Variants in KIAA0040 observed in about 807,000 individuals in gnomAD.
The protein encoded by KIAA0040 is KIAA0040, also known as uncharacterized protein KIAA0040.
Under a neutral mutation model 7.2 loss-of-function variants are expected in KIAA0040, and 10 were observed. The ratio of observed to expected loss-of-function variants is 1.38; its 90% CI spans 0.85 to 2.34. KIAA0040 has a LOEUF of 2.34. Among genes scored for constraint, KIAA0040 ranks in the 30% most tolerant of loss-of-function variants. The pLI is 0.00. For missense variants in KIAA0040, 89 were observed against 108.2 expected, an observed-to-expected ratio of 0.82 and a Z score of 0.79; for synonymous variants, 49 against 40.1, an observed-to-expected ratio of 1.22 and a Z score of -0.84.
intron 1 of KIAA0040, among the ~76,000 whole-genome samples, chr1:175,184,076 T>C (rs1677554624): frequency 6.6e-6 from 1 of 152,176 alleles, no homozygotes; most frequent in South Asian, 2.1e-4. Context: ...TGCAGATGAC[T>C]GACCGAAAGT....
At chr1:175,163,635 C>T (rs1331535229) in intron 3 of KIAA0040, among the ~76,000 whole-genome samples, 1 of 152,362 alleles carries the variant, frequency 6.6e-6, no homozygotes, top group South Asian at 2.1e-4. Flanking sequence ...ATGACCTTTG[C>T]TTTTACCTCA....
intron 1 of KIAA0040, among the ~76,000 whole-genome samples, chr1:175,184,214 T>A (rs191449479): frequency 2.4e-4 from 37 of 152,314 alleles, no homozygotes; most frequent in Non-Finnish European, 1.5e-5. Flanking sequence ...AGATACTGTA[T>A]AGCCATACGC....
chr1:175,179,038 G>C (rs1199452088), intron 1 of KIAA0040, among the ~76,000 whole-genome samples: 3 of 152,036 alleles, frequency 2.0e-5, no homozygotes, highest in African/African-American at 7.2e-5. Flanking sequence ...ATTACATGGA[G>C]GGCTGGACAT....
chr1:175,162,689 G>A (rs1676594463), intron 3 of KIAA0040, among the ~76,000 whole-genome samples: 1 of 152,166 alleles, frequency 6.6e-6, no homozygotes, highest in African/African-American at 2.4e-5. Context: ...ATTGTCCTCA[G>A]AAGTCTAATT....
chr1:175,188,634 A>G (rs1022890230), intron 1 of KIAA0040, among the ~76,000 whole-genome samples: 14 of 152,242 alleles, frequency 9.2e-5, no homozygotes, highest in Non-Finnish European at 1.8e-4. Context: ...AAGTTTGAGG[A>G]AACACTAAAA....
chr1:175,179,532 A>T (rs1301814000), intron 1 of KIAA0040, among the ~76,000 whole-genome samples: 1 of 152,154 alleles, frequency 6.6e-6, no homozygotes, highest in Non-Finnish European at 1.5e-5. Flanking sequence ...AATATCACCA[A>T]ACCAATCAGA....
At chr1:175,172,708 T>A (rs776452152) in intron 2 of KIAA0040, among the ~76,000 whole-genome samples, 3 of 152,248 alleles carry the variant, frequency 2.0e-5, no homozygotes, top group Admixed American at 1.3e-4. Context: ...GGGCTAGGTG[T>A]TTTATTCACT....
chr1:175,192,823 CCCG>C (rs1425277996), upstream of KIAA0040: 22 of 145,940 alleles, frequency 1.5e-4, 1 homozygote, highest in Admixed American at 1.2e-3. Context: ...AGCCGCCCGC[CCCG>C]CCCCGCCCCG....
chr1:175,163,770 C>T (rs1438241606), intron 3 of KIAA0040, among the ~76,000 whole-genome samples: 9 of 152,238 alleles, frequency 5.9e-5, no homozygotes, highest in Admixed American at 2.6e-4. Flanking sequence ...ATAACACCAC[C>T]ACCACAAATG....
At chr1:175,177,860 A>AG (rs1172982016) in intron 1 of KIAA0040, among the ~76,000 whole-genome samples, 176 bp from the exon 2 acceptor site, 2 of 152,244 alleles carry the variant, frequency 1.3e-5, no homozygotes, top group African/African-American at 4.8e-5. Flanking sequence ...ACCTGCTCAC[A>AG]GGGTCCTTAG....
In KIAA0040 at chr1:175,157,533, CTTTTCA is replaced by C. The variant is rs1399535807; in HGVS notation, c.*3175_*3180del. 2.6e-5 allele frequency: 4 copies of C among 152,080 alleles called. No homozygotes were observed. The highest frequency in any genetic ancestry group is 9.7e-5 in the African/African-American group (4 of 41,394). 9.4% of individuals were successfully genotyped at this position (152,080 alleles called of 1,614,324 possible). A position where few individuals can be genotyped will look rare whatever the true frequency, so the allele number is the denominator to read the frequency against. On this transcript the variant is annotated 3_prime_UTR_variant, in exon 4 of 4. Transcript: ENST00000423313. Reference sequence around the variant, plus strand: ...GAGTAACCATCTGACTACATCAAGACTTTTCATTTTCAAAGTATTTTATTTAAATAA... The same window carrying C: ...GAGTAACCATCTGACTACATCAAGACTTTTCAAAGTATTTTATTTAAATAA...
intron 3 of KIAA0040, among the ~76,000 whole-genome samples, chr1:175,162,067 T>A (rs1352825807): frequency 6.6e-6 from 1 of 152,122 alleles, no homozygotes; most frequent in South Asian, 2.1e-4. Context: ...CCTGGTTGCT[T>A]GTACAGAGCT....
chr1:175,174,768 T>G (rs1269716909), intron 2 of KIAA0040, among the ~76,000 whole-genome samples: 3 of 151,394 alleles, frequency 2.0e-5, no homozygotes, highest in African/African-American at 7.3e-5. Flanking sequence ...GGAACTCTAA[T>G]ACCACTTACA....
At chr1:175,191,317 G>C (rs556994857) in intron 1 of KIAA0040, among the ~76,000 whole-genome samples, 1 of 152,210 alleles carries the variant, frequency 6.6e-6, no homozygotes, top group Non-Finnish European at 1.5e-5. Context: ...TTAGTCTTTA[G>C]GGAAGAGGAC....
intron 1 of KIAA0040, among the ~76,000 whole-genome samples, chr1:175,191,712 G>C (rs187194819): frequency 3.8e-4 from 58 of 152,298 alleles, no homozygotes; most frequent in Non-Finnish European, 7.8e-4. Flanking sequence ...TCAGAATGAG[G>C]GTTCCTTAAA....
intron 3 of KIAA0040, among the ~76,000 whole-genome samples, chr1:175,165,311 C>G (rs747946472): frequency 6.6e-6 from 1 of 152,168 alleles, no homozygotes; most frequent in Non-Finnish European, 1.5e-5. Context: ...AGCTAATGAT[C>G]TTCCCTCATA....
At chr1:175,185,975 T>C (rs747722105) in intron 1 of KIAA0040, among the ~76,000 whole-genome samples, 1 of 152,176 alleles carries the variant, frequency 6.6e-6, no homozygotes, top group Non-Finnish European at 1.5e-5. Flanking sequence ...ATGAAATATC[T>C]AGAATAAGCA....
At chr1:175,168,485 G>A (rs1676861655) in intron 2 of KIAA0040, among the ~76,000 whole-genome samples, 1 of 152,106 alleles carries the variant, frequency 6.6e-6, no homozygotes, top group Admixed American at 6.5e-5. Context: ...AATTATGGTT[G>A]CAATTTTGAA....
intron 2 of KIAA0040, among the ~76,000 whole-genome samples, chr1:175,175,187 G>A (rs1436993426): frequency 1.3e-5 from 2 of 152,198 alleles, no homozygotes; most frequent in Non-Finnish European, 2.9e-5. Context: ...GCATGAGAAC[G>A]ACCAAACACT....
Sources: allele counts gnomAD v4.1 joint callset (sites outside exome capture counted in the v4.1 genomes callset), GRCh38; gene constraint gnomAD v4.1.1; transcripts MANE v1.5; gene names NCBI Gene and HGNC (gene_info 2026-07-23, HGNC 2026-07-21).